MANSC4: variants seen among roughly 807,000 people sequenced by gnomAD.
MANSC4 encodes the protein MANSC domain-containing protein 4.
Under a neutral mutation model 11.4 loss-of-function variants are expected in MANSC4, and 11 were observed. That is an observed-to-expected ratio of 0.97 (90% CI 0.61 to 1.60). The LOEUF is 1.60. MANSC4 is among the 40% of genes most tolerant of loss of function. The probability of loss-of-function intolerance (pLI) is 0.00; values close to 1 mark genes in which losing one functional copy is unlikely to be tolerated. For synonymous variants in MANSC4, 123 were observed against 147.1 expected (o/e 0.84, Z 1.19); for missense variants, 354 against 404.6 (o/e 0.88, Z 1.07).
At chr12:27,772,634 A>C (rs2062105358) in intron 1 of MANSC4, among the ~76,000 whole-genome samples, 1 of 152,254 alleles carries the variant, frequency 6.6e-6, no homozygotes, top group African/African-American at 2.4e-5. Context: ...CACATAGAAT[A>C]CACAAAATGA....
intron 1 of MANSC4, among the ~76,000 whole-genome samples, chr12:27,773,123 G>C (rs2062106939): frequency 6.6e-6 from 1 of 152,122 alleles, no homozygotes; most frequent in South Asian, 2.1e-4. Context: ...CAGGAGGACT[G>C]CTTGAGCCTA....
chr12:27,778,844 T>C (rs2062130149), intron 1 of MANSC4, among the ~76,000 whole-genome samples: 1 of 152,198 alleles, frequency 6.6e-6, no homozygotes, highest in Non-Finnish European at 1.5e-5. Flanking sequence ...CTAATTGCAA[T>C]GTTCAGTGAG....
intron 1 of MANSC4, among the ~76,000 whole-genome samples, chr12:27,779,642 G>A (rs1445298111): frequency 6.6e-6 from 1 of 152,198 alleles, no homozygotes; most frequent in Non-Finnish European, 1.5e-5. Flanking sequence ...TGCCGGACTG[G>A]GCCAGAAGGA....
At chr12:27,776,810 T>C (rs78301480) in intron 1 of MANSC4, among the ~76,000 whole-genome samples, 410 of 152,368 alleles carry the variant, frequency 2.7e-3, no homozygotes, top group African/African-American at 9.3e-3. Flanking sequence ...ATTACGCTTC[T>C]GTAAAACTGT....
chr12:27,770,283 C>T (rs1200439815), intron 2 of MANSC4, among the ~76,000 whole-genome samples: 1 of 152,048 alleles, frequency 6.6e-6, no homozygotes, highest in Non-Finnish European at 1.5e-5. Context: ...TGGGTTCAAG[C>T]GATTCTCCAA....
intron 2 of MANSC4, among the ~76,000 whole-genome samples, chr12:27,768,729 C>A (rs2062086231): frequency 1.3e-5 from 2 of 149,596 alleles, no homozygotes; most frequent in Non-Finnish European, 1.5e-5. Context: ...TGGGTTCAAG[C>A]GATTCTCCTG....
rs1161772068 is a variant in MANSC4 at position 27,775,657 on chromosome 12, C to T, written c.-306-4075G>A. On this transcript the variant is annotated intron_variant, in intron 1 of 3. Coordinates refer to ENST00000381273, the MANE Select transcript of MANSC4 (RefSeq NM_001146221.5). Reference sequence around the variant, plus strand: ...GCTTGTGCAATCCTCCCGCCCTGGCCTCCCAAAGTGCTGGGATTACAGGAA... The same window carrying T: ...GCTTGTGCAATCCTCCCGCCCTGGCTTCCCAAAGTGCTGGGATTACAGGAA... Among the ~76,000 whole-genome samples, 4 of 152,166 alleles carry T rather than the reference C, an allele frequency of 2.6e-5. No individual in the cohort carries two copies. The South Asian group carries it at 6.2e-4, about 24-fold the overall frequency.
intron 2 of MANSC4, among the ~76,000 whole-genome samples, chr12:27,767,668 G>C (rs550633476): frequency 3.3e-5 from 5 of 152,214 alleles, no homozygotes; most frequent in African/African-American, 1.2e-4. Context: ...TTGCACTCCA[G>C]ACTGGGCAAC....
chr12:27,774,773 C>T (rs950123215), intron 1 of MANSC4, among the ~76,000 whole-genome samples: 1 of 152,148 alleles, frequency 6.6e-6, no homozygotes, highest in South Asian at 2.1e-4. Context: ...CCTGTAATCC[C>T]AGCACTTTGG....
At chr12:27,763,498 T>C (rs878955928) in intron 3 of MANSC4, 102 bp from the exon 4 acceptor site, 2 of 1,081,626 alleles carry the variant, frequency 1.8e-6, no homozygotes, top group Non-Finnish European at 2.6e-6. Flanking sequence ...CTATGAGTTA[T>C]CGAACGAAGC....
chr12:27,772,667 T>C (rs932141594), intron 1 of MANSC4, among the ~76,000 whole-genome samples: 3 of 152,230 alleles, frequency 2.0e-5, no homozygotes, highest in Non-Finnish European at 2.9e-5. Flanking sequence ...TCTATTGAAC[T>C]TCTTACAGAA....
chr12:27,780,217 C>G lies in MANSC4; in HGVS notation c.-314G>C, dbSNP rs1310436075. ...AGCGCGGGCGGCCCTCACCTCGCCG[C>G]TCCTCCCGGGCCGCCATCCCTCGGC... On this transcript the variant is annotated 5_prime_UTR_variant, in exon 1 of 4. Coordinates refer to ENST00000381273, the MANE Select transcript of MANSC4 (RefSeq NM_001146221.5). This position sits in a 1 kb window ranked among gnomAD's most constrained non-coding sequence, Gnocchi z 8.8. The G allele has an allele frequency of 7.8e-6, 8 of 1,031,820 alleles. No homozygotes were observed. Among genetic ancestry groups the G allele is most frequent in the Non-Finnish European group, 2.5e-6 (2 of 791,270 alleles). 63.9% of individuals were successfully genotyped at this position (1,031,820 alleles called of 1,614,324 possible).
In MANSC4 at chr12:27,762,664, T is replaced by TTTTA; in HGVS notation, c.*73_*74insTAAA. The TTTTA allele has an allele frequency of 7.4e-7, 1 of 1,353,564 alleles. No individual in the cohort carries two copies. Among genetic ancestry groups the TTTTA allele is most frequent in the Non-Finnish European group, 9.8e-7 (1 of 1,020,832 alleles). The allele number at this position is 1,353,564 out of a possible 1,614,324, so 83.8% of individuals were successfully genotyped here. The stretch of plus-strand genomic sequence containing the variant: ...CCACGCCCAGCCTATTTTTTTTTTT[T>TTTTA]AACCAAACTGCGTTTTCTTACACAA... On this transcript the variant is annotated 3_prime_UTR_variant, in exon 4 of 4. Transcript: ENST00000381273.
intron 1 of MANSC4, among the ~76,000 whole-genome samples, chr12:27,776,111 A>G (rs1453142841): frequency 1.5e-5 from 2 of 133,296 alleles, no homozygotes; most frequent in African/African-American, 5.7e-5. Context: ...AAAAAAAAGT[A>G]TATTTTTCAG....
intron 3 of MANSC4, among the ~76,000 whole-genome samples, chr12:27,765,874 G>A (rs977266642): frequency 4.6e-5 from 7 of 152,094 alleles, no homozygotes; most frequent in African/African-American, 1.4e-4. Flanking sequence ...AAATGGGCAC[G>A]AAACACTTAT....
intron 3 of MANSC4, 55 bp from the exon 4 acceptor site, chr12:27,763,451 C>T (rs2140795245): frequency 6.8e-7 from 1 of 1,465,646 alleles, no homozygotes; most frequent in Non-Finnish European, 9.1e-7. Flanking sequence ...AGCAAAAACC[C>T]TAAAGCACAG....
chr12:27,765,100 G>C lies in MANSC4; in HGVS notation c.364+1565C>G, dbSNP rs987792908. Among the ~76,000 whole-genome samples the C allele has an allele frequency of 2.0e-5, 3 of 152,166 alleles. No individual in the cohort carries two copies. In the East Asian group the frequency reaches 5.8e-4, roughly 29 times the overall value. ...GATCCTCCTGCCTCAGCCTCTCAAA[G>C]TGCTGGAATTACAGGCGTGAGCCAC... is the stretch of plus-strand genomic sequence containing the variant. On this transcript the variant is annotated intron_variant, in intron 3 of 3. Transcript: ENST00000381273.
chr12:27,766,169 G>A (rs1405776576), intron 3 of MANSC4, among the ~76,000 whole-genome samples: 1 of 151,808 alleles, frequency 6.6e-6, no homozygotes, highest in Non-Finnish European at 1.5e-5. Context: ...CCAGGTTCAA[G>A]CGATTCTCCT....
At chr12:27,767,519 C>T (rs1006488165) in intron 2 of MANSC4, among the ~76,000 whole-genome samples, 8 of 152,016 alleles carry the variant, frequency 5.3e-5, no homozygotes, top group Admixed American at 5.2e-4. Flanking sequence ...GCCTGACCAA[C>T]ATGGAGAAAC....
Sources: allele counts gnomAD v4.1 joint callset (sites outside exome capture counted in the v4.1 genomes callset), GRCh38; gene constraint gnomAD v4.1.1; non-coding constraint Gnocchi (gnomAD v3.1); transcripts MANE v1.5; gene names NCBI Gene and HGNC (gene_info 2026-07-23, HGNC 2026-07-21).